The following CLASP1 variants were observed in gnomAD, a reference collection of about 807,000 sequenced individuals.
CLASP1 encodes the protein cytoplasmic linker associated protein 1.
A neutral mutation model predicts 192.3 loss-of-function variants in CLASP1; 38 were observed. The ratio of observed to expected loss-of-function variants is 0.20; its 90% CI spans 0.15 to 0.26. The LOEUF is 0.26. Ranked by LOEUF, CLASP1 falls within the 10% of genes least tolerant of loss-of-function variation. The pLI, the probability that CLASP1 is intolerant of heterozygous loss-of-function variation, is 1.00. For missense variants in CLASP1, 1,433 were observed against 1,932.5 expected (o/e 0.74, Z 4.85); for synonymous variants, 691 against 712.8 (o/e 0.97, Z 0.49).
chr2:121,508,590 T>C (rs1164079249), intron 7 of CLASP1, among the ~76,000 whole-genome samples: 3 of 152,190 alleles, frequency 2.0e-5, no homozygotes, highest in African/African-American at 7.2e-5. Flanking sequence ...GACTCAACTT[T>C]ATAGTGTCTA....
chr2:121,470,128 C>T lies in CLASP1; in HGVS notation c.713-168G>A, dbSNP rs141817933. On this transcript the variant is annotated intron_variant, in intron 8 of 39. Transcript: ENST00000263710. ...AGGGTCTGGAAAGCCTTAGGTTAAG[C>T]CCAGAATGAAGCTACAAAGATCATA... 4.5e-6 allele frequency: 3 copies of T among 672,524 alleles called. No homozygotes were observed. In the African/African-American group the frequency reaches 5.4e-5, roughly 12 times the overall value. The allele number at this position is 672,524 out of a possible 1,614,324, so 41.7% of individuals were successfully genotyped here. A position where few individuals can be genotyped will look rare whatever the true frequency, so the allele number is the denominator to read the frequency against.
At chr2:121,523,658 T>C (rs1169869723) in intron 6 of CLASP1, among the ~76,000 whole-genome samples, 1 of 152,222 alleles carries the variant, frequency 6.6e-6, no homozygotes, top group African/African-American at 2.4e-5. Context: ...ACCGAGTCCA[T>C]GATCTTTTGG....
At chr2:121,377,627 T>C in exon 34 of CLASP1, 1 of 1,588,486 alleles carries the variant, frequency 6.3e-7, no homozygotes, top group Non-Finnish European at 8.6e-7. Flanking sequence ...GAGTTCAGGT[T>C]CTCTGTATCA....
chr2:121,648,746 T>C (rs941633138), intron 1 of CLASP1, among the ~76,000 whole-genome samples: 3 of 152,184 alleles, frequency 2.0e-5, no homozygotes, highest in Non-Finnish European at 4.4e-5. Context: ...ACTCAGCACT[T>C]GTTCGCTTTC....
intron 8 of CLASP1, among the ~76,000 whole-genome samples, chr2:121,497,985 A>G (rs1392763852): frequency 6.6e-6 from 1 of 151,940 alleles, no homozygotes; most frequent in African/African-American, 2.4e-5. Context: ...TTGGCCTCCC[A>G]AAGTGCTGGG....
chr2:121,447,743 T>C (rs2084634038), intron 18 of CLASP1, among the ~76,000 whole-genome samples: 1 of 152,202 alleles, frequency 6.6e-6, no homozygotes, highest in African/African-American at 2.4e-5. Context: ...TTTCTTGTTA[T>C]TGAAGACTAT....
intron 2 of CLASP1, among the ~76,000 whole-genome samples, chr2:121,560,964 T>A (rs1367205406): frequency 6.6e-6 from 1 of 152,204 alleles, no homozygotes; most frequent in Non-Finnish European, 1.5e-5. Flanking sequence ...TGGAGTGCAA[T>A]GGCACGATCC....
At chr2:121,459,735 G>C in intron 12 of CLASP1, 1 of 339,650 alleles carries the variant, frequency 2.9e-6, no homozygotes, top group Non-Finnish European at 5.3e-6. Context: ...ATTAATAACT[G>C]CTTCAAAGTT....
chr2:121,338,648 AT>A (rs1157356473), exon 40 of CLASP1: 6 of 152,238 alleles, frequency 3.9e-5, no homozygotes, highest in African/African-American at 1.4e-4. Flanking sequence ...CAGTTTTCAG[AT>A]TGAGGCCAAG....
chr2:121,530,936 A>C lies in CLASP1; in HGVS notation c.196-611T>G, dbSNP rs72969388. 2 of 700,314 alleles carry C rather than the reference A, an allele frequency of 2.9e-6. No individual in the cohort carries two copies. Among genetic ancestry groups the C allele is most frequent in the African/African-American group, 1.7e-5 (1 of 57,186 alleles). 43.4% of individuals were successfully genotyped at this position (700,314 alleles called of 1,614,324 possible). On this transcript the variant is annotated intron_variant, in intron 2 of 39. Transcript: ENST00000263710. Reference sequence around the variant, plus strand: ...CCAATGAGCGCATAGTGAGGGCAGTACTGCTAACGCCTGAACAACACACCC... The same window carrying C: ...CCAATGAGCGCATAGTGAGGGCAGTCCTGCTAACGCCTGAACAACACACCC...
At chr2:121,382,213 A>G in exon 33 of CLASP1, 1 of 1,605,536 alleles carries the variant, frequency 6.2e-7, no homozygotes, top group Non-Finnish European at 8.5e-7. Context: ...GTTACCTGGG[A>G]GAGTAAGAGC....
chr2:121,353,317 G>A (rs1002582854), intron 37 of CLASP1, among the ~76,000 whole-genome samples: 8 of 152,002 alleles, frequency 5.3e-5, no homozygotes, highest in Admixed American at 2.0e-4. Flanking sequence ...TTGTGACCCC[G>A]AGACTCCACA....
At chr2:121,487,487 G>T (rs2093050530) in intron 8 of CLASP1, among the ~76,000 whole-genome samples, 1 of 152,082 alleles carries the variant, frequency 6.6e-6, no homozygotes, top group African/African-American at 2.4e-5. Context: ...TCTGCTCCAG[G>T]ATCCCATTCA....
At chr2:121,469,255 C>T (rs1198530797) in intron 9 of CLASP1, among the ~76,000 whole-genome samples, 2 of 152,088 alleles carry the variant, frequency 1.3e-5, no homozygotes, top group African/African-American at 4.8e-5. Flanking sequence ...ACAGACACAC[C>T]AACAGCTGCC....
intron 8 of CLASP1, among the ~76,000 whole-genome samples, chr2:121,481,238 A>G (rs1057239145): frequency 6.6e-6 from 1 of 152,188 alleles, no homozygotes; most frequent in Non-Finnish European, 1.5e-5. Flanking sequence ...CTTCAAAAAT[A>G]TTTCAATAGA....
intron 2 of CLASP1, among the ~76,000 whole-genome samples, chr2:121,573,325 A>G (rs891826663): frequency 2.0e-5 from 3 of 152,256 alleles, no homozygotes; most frequent in Non-Finnish European, 4.4e-5. Flanking sequence ...TGACAGCAGG[A>G]TATGCTTAAG....
rs1412633960 is a variant in CLASP1 at position 121,614,507 on chromosome 2, CAAAACAAAAAACA to C, written c.-285-8340_-285-8328del. On this transcript the variant is annotated intron_variant, in intron 1 of 39. Transcript: ENST00000263710. ...TGAGACTCTGTCTCAAAAAACAAAA[CAAAACAAAAAACA>C]AAAACAAAAGTGTGAGGAAATGGAT... Among the ~76,000 whole-genome samples the C allele has an allele frequency of 3.9e-5, 6 of 151,972 alleles. No homozygotes were observed. In the East Asian group the frequency reaches 1.2e-3, roughly 29 times the overall value.
chr2:121,597,479 T>C (rs1017023930), intron 2 of CLASP1, among the ~76,000 whole-genome samples: 4 of 152,186 alleles, frequency 2.6e-5, no homozygotes, highest in African/African-American at 4.8e-5. Flanking sequence ...TGTATGTGTG[T>C]GTGTATGTGT....
chr2:121,361,340 C>T (rs930027068), intron 37 of CLASP1, among the ~76,000 whole-genome samples: 1 of 152,162 alleles, frequency 6.6e-6, no homozygotes, highest in Non-Finnish European at 1.5e-5. Flanking sequence ...CAAAGCACAA[C>T]AAAAAGAACA....
Sources: allele counts gnomAD v4.1 joint callset (sites outside exome capture counted in the v4.1 genomes callset), GRCh38; gene constraint gnomAD v4.1.1; transcripts MANE v1.5; gene names NCBI Gene and HGNC (gene_info 2026-07-23, HGNC 2026-07-21).